Variants in CEP57L1 observed in about 807,000 individuals in gnomAD.
CEP57L1 encodes centrosomal protein CEP57L1.
A neutral mutation model predicts 61.0 loss-of-function variants in CEP57L1; 37 were observed. The observed-to-expected ratio is 0.61, with a 90% CI of 0.47 to 0.80. CEP57L1 has a LOEUF of 0.80. Among genes scored for constraint, CEP57L1 ranks in the 30% least tolerant of loss-of-function variants. CEP57L1 has a pLI of 0.00. For missense variants in CEP57L1, 422 were observed against 524.7 expected, an observed-to-expected ratio of 0.80 and a Z score of 1.91; for synonymous variants, 137 against 162.3, an observed-to-expected ratio of 0.84 and a Z score of 1.19.
intron 1 of CEP57L1, among the ~76,000 whole-genome samples, chr6:109,125,353 C>T (rs893006237): frequency 6.6e-6 from 1 of 151,816 alleles, no homozygotes. Context: ...GCTCATTCCT[C>T]CTTAGGCAGC....
Position 109,136,129 on chromosome 6 carries a change from G to A in CEP57L1, c.-3-9090G>A, listed in dbSNP as rs558217181. Among the ~76,000 whole-genome samples the A allele has an allele frequency of 8.5e-5, 13 of 152,230 alleles. No homozygotes were observed. In the South Asian group the frequency reaches 2.1e-3, roughly 24 times the overall value. On this transcript the variant is annotated intron_variant, in intron 1 of 10. Coordinates refer to ENST00000517392, the MANE Select transcript of CEP57L1 (RefSeq NM_001271852.3). The stretch of plus-strand genomic sequence containing the variant: ...ACACATGCACACGTATGTTTATTGC[G>A]GCACTATTCACAATAGCAAAGACTT...
intron 1 of CEP57L1, among the ~76,000 whole-genome samples, chr6:109,122,834 C>G (rs997461959): frequency 6.6e-6 from 1 of 152,022 alleles, no homozygotes; most frequent in African/African-American, 2.4e-5. Context: ...TCATCAGACA[C>G]TTACCCAGGC....
intron 3 of CEP57L1, among the ~76,000 whole-genome samples, chr6:109,148,666 T>C (rs1772240736): frequency 6.6e-6 from 1 of 152,170 alleles, no homozygotes; most frequent in Non-Finnish European, 1.5e-5. Context: ...ATGGTATTTC[T>C]AGTTCTAGAT....
chr6:109,121,137 G>C (rs1772925114), intron 1 of CEP57L1, among the ~76,000 whole-genome samples: 1 of 152,128 alleles, frequency 6.6e-6, no homozygotes, highest in Admixed American at 6.5e-5. Context: ...TAAAAACGGG[G>C]AAGTTAGCAG....
chr6:109,170,320 AT>A lies in CEP57L1; in HGVS notation c.*7351del, dbSNP rs367567827. 7.2e-5 allele frequency among the ~76,000 whole-genome samples: 11 copies of A among 152,298 alleles called. No homozygotes were observed. Among genetic ancestry groups the A allele is most frequent in the Non-Finnish European group, 1.3e-4 (9 of 68,004 alleles). ...CAATCAGCTAAAATAATGTAAAATAATGTACTTTTCAACCTGACTTGGCTTA... is the reference window on the plus strand; with the variant it reads ...CAATCAGCTAAAATAATGTAAAATAAGTACTTTTCAACCTGACTTGGCTTA... On this transcript the variant is annotated 3_prime_UTR_variant, in exon 11 of 11. Transcript: ENST00000517392.
intron 1 of CEP57L1, among the ~76,000 whole-genome samples, chr6:109,141,930 G>A (rs954403797): frequency 6.6e-6 from 1 of 152,128 alleles, no homozygotes; most frequent in African/African-American, 2.4e-5. Context: ...AGCAAACAGA[G>A]ATTCCTTTAT....
chr6:109,095,674 C>A, intron 1 of CEP57L1, 99 bp downstream of exon 1: 2 of 761,706 alleles, frequency 2.6e-6, no homozygotes, highest in Non-Finnish European at 3.2e-6. Context: ...AGGGTGGCCT[C>A]CCTTAGTCCA....
At chr6:109,142,948 T>TCTCTCG (rs1771557065) in intron 1 of CEP57L1, among the ~76,000 whole-genome samples, 1 of 6,048 alleles carries the variant, frequency 1.7e-4, no homozygotes, top group Non-Finnish European at 3.7e-4. Context: ...TCTCTCTTGC[T>TCTCTCG]CTCTCTCTCT....
rs750088716 is a variant in CEP57L1 at position 109,162,888 on chromosome 6, A to T, written c.1301A>T (p.Gln434Leu). The change falls in exon 11 of 11, where the codon CAG becomes CTG. Residue 434 changes from glutamine to leucine, a missense_variant. Coordinates refer to ENST00000517392, the MANE Select transcript of CEP57L1 (RefSeq NM_001271852.3). ...RKCLTDTNLF[Q>L]KNSSFHPIRV... Reference sequence around the variant, plus strand: ...TGTTTGACTGACACTAACCTTTTTCAGAAAAACAGCAGCTTTCATCCAATA... The same window carrying T: ...TGTTTGACTGACACTAACCTTTTTCTGAAAAACAGCAGCTTTCATCCAATA... 12 of 1,613,340 alleles carry T rather than the reference A, an allele frequency of 7.4e-6. No homozygotes were observed. Among genetic ancestry groups the T allele is most frequent in the Non-Finnish European group, 1.0e-5 (12 of 1,179,448 alleles).
Position 109,146,860 on chromosome 6 carries a change from C to T in CEP57L1, c.263C>T (p.Ala88Val). 3.1e-6 allele frequency: 5 copies of T among 1,610,546 alleles called. No homozygotes were observed. The highest frequency in any genetic ancestry group is 1.1e-5 in the South Asian group (1 of 90,728). The change falls in exon 3 of 11, where the codon GCA becomes GTA. Residue 88 changes from alanine to valine, a missense_variant. Physicochemically the swap from Ala to Val is moderately conservative, Grantham distance 64. Coordinates refer to ENST00000517392, the MANE Select transcript of CEP57L1 (RefSeq NM_001271852.3). ...CTGAACATTCTTTCCAGAGAAGCAGCACAGTATAAGAAGGCCTTAGAGAAT... is the reference window on the plus strand; with the variant it reads ...CTGAACATTCTTTCCAGAGAAGCAGTACAGTATAAGAAGGCCTTAGAGAAT... Reference protein sequence around the residue: ...DNLNILSREAAQYKKALENET... With the variant: ...DNLNILSREAVQYKKALENET...
At chr6:109,121,865 G>A (rs2114702329) in intron 1 of CEP57L1, among the ~76,000 whole-genome samples, 1 of 152,138 alleles carries the variant, frequency 6.6e-6, no homozygotes, top group African/African-American at 2.4e-5. Context: ...TAGTTATTTT[G>A]AAAACAAATC....
chr6:109,158,604 A>G (rs1417998976), intron 7 of CEP57L1: 7 of 457,224 alleles, frequency 1.5e-5, no homozygotes, highest in Non-Finnish European at 2.2e-5. Flanking sequence ...TTCTAGGATA[A>G]ATGCGTAAGA....
intron 3 of CEP57L1, among the ~76,000 whole-genome samples, chr6:109,148,036 A>G (rs1466258795): frequency 6.6e-6 from 1 of 152,344 alleles, no homozygotes; most frequent in East Asian, 1.9e-4. Context: ...TTCACATAGT[A>G]CATTTCTTGT....
chr6:109,119,791 G>A (rs1191258491), intron 1 of CEP57L1, among the ~76,000 whole-genome samples: 1 of 152,126 alleles, frequency 6.6e-6, no homozygotes, highest in Non-Finnish European at 1.5e-5. Flanking sequence ...TAGGTTATGT[G>A]GGGAATCAAG....
At chr6:109,095,166 CGCCCCCGGAGGCGCTAAGCTT>C, upstream of CEP57L1, 1 of 985,514 alleles carries the variant, frequency 1.0e-6, no homozygotes, top group Non-Finnish European at 1.2e-6. Flanking sequence ...CTGGGCCAAG[CGCCCCCGGAGGCGCTAAGCTT>C]GCGCCCTGAG....
chr6:109,118,565 C>T (rs1772577252), intron 1 of CEP57L1, among the ~76,000 whole-genome samples: 1 of 152,220 alleles, frequency 6.6e-6, no homozygotes. Flanking sequence ...AACAGTTGTT[C>T]ACCTCAGACA....
intron 1 of CEP57L1, among the ~76,000 whole-genome samples, chr6:109,131,800 C>G (rs574359218): frequency 6.6e-6 from 1 of 152,132 alleles, no homozygotes; most frequent in African/African-American, 2.4e-5. Context: ...AACCTCTTTA[C>G]CTCTAAAGTT....
chr6:109,111,132 A>T (rs1426332195), intron 1 of CEP57L1, among the ~76,000 whole-genome samples: 4 of 152,118 alleles, frequency 2.6e-5, no homozygotes, highest in Non-Finnish European at 5.9e-5. Flanking sequence ...GGCCATTTTG[A>T]CGATATTGAT....
At chr6:109,137,742 A>T (rs1770904070) in intron 1 of CEP57L1, among the ~76,000 whole-genome samples, 1 of 152,190 alleles carries the variant, frequency 6.6e-6, no homozygotes, top group Non-Finnish European at 1.5e-5. Context: ...GGCATTATGG[A>T]TAGAGTGGGG....
Sources: gnomAD v4.1 joint callset for allele counts (sites outside exome capture counted in the v4.1 genomes callset) on GRCh38, gnomAD v4.1.1 for gene constraint, MANE v1.5 for transcripts, NCBI Gene and HGNC (gene_info 2026-07-23, HGNC 2026-07-21) for gene names.